AGBL4: variants seen among roughly 807,000 people sequenced by gnomAD.
AGBL4 encodes AGBL carboxypeptidase 4.
A neutral mutation model predicts 66.4 loss-of-function variants in AGBL4; 58 were observed. That is an observed-to-expected ratio of 0.87 (90% CI 0.71 to 1.09). AGBL4 has a LOEUF of 1.09. Among genes scored for constraint, AGBL4 ranks in the 50% least tolerant of loss-of-function variants. The probability of loss-of-function intolerance (pLI) is 0.00; values close to 1 mark genes in which losing one functional copy is unlikely to be tolerated. For synonymous variants in AGBL4, 234 were observed against 222.9 expected (o/e 1.05, Z -0.44); for missense variants, 579 against 631.0 (o/e 0.92, Z 0.88).
rs1417005644 is a variant in AGBL4, at chr1:49,045,436, A to G, written c.594+148T>C. 16 of 586,212 alleles carry G rather than the reference A, an allele frequency of 2.7e-5. No individual in the cohort carries two copies. In the Admixed American group the frequency reaches 5.2e-4, roughly 19 times the overall value. The allele number at this position is 586,212 out of a possible 1,614,324, so 36.3% of individuals were successfully genotyped here. On this transcript the variant is annotated intron_variant, in intron 5 of 13. Coordinates refer to ENST00000371839, the MANE Select transcript of AGBL4 (RefSeq NM_032785.4). Reference sequence around the variant, plus strand: ...GAATTGTTAAATTAATACTAATTATATAATTGTTTAATTGTAGTTAGTAAA... The same window carrying G: ...GAATTGTTAAATTAATACTAATTATGTAATTGTTTAATTGTAGTTAGTAAA...
chr1:49,842,125 A>G, intron 2 of AGBL4: 1 of 355,158 alleles, frequency 2.8e-6, no homozygotes, highest in Non-Finnish European at 5.4e-6. Context: ...CCCCAACCAC[A>G]GCCTCTGCCT....
At chr1:48,545,720 A>T (rs747820401) in intron 11 of AGBL4, among the ~76,000 whole-genome samples, 6 of 152,242 alleles carry the variant, frequency 3.9e-5, no homozygotes, top group Non-Finnish European at 7.3e-5. Context: ...CAAGACACTC[A>T]AAGCAATAAA....
chr1:48,617,678 G>A (rs538411781), intron 9 of AGBL4, among the ~76,000 whole-genome samples: 13 of 152,184 alleles, frequency 8.5e-5, no homozygotes, highest in South Asian at 6.2e-4. Flanking sequence ...CGGGCTGGCC[G>A]TTGTTTCTCA....
At chr1:48,784,889 T>TA (rs1645375142) in intron 6 of AGBL4, among the ~76,000 whole-genome samples, 1 of 152,196 alleles carries the variant, frequency 6.6e-6, no homozygotes, top group Admixed American at 6.5e-5. Context: ...TTTATTAATG[T>TA]AAAAAATTGT....
chr1:49,124,791 T>C (rs1287343880), intron 4 of AGBL4, among the ~76,000 whole-genome samples: 1 of 152,230 alleles, frequency 6.6e-6, no homozygotes, highest in Non-Finnish European at 1.5e-5. Context: ...ATTTAATTTC[T>C]GTGAAATGAG....
rs559474329 is a variant in AGBL4 at position 49,436,731 on chromosome 1, G to A, written c.283-190867C>T. Reference sequence around the variant, plus strand: ...TCACAGAAATTCTTAGGAAAGGAAGGGGGTGTAGTTCCGACGACAGCTTAT... The same window carrying A: ...TCACAGAAATTCTTAGGAAAGGAAGAGGGTGTAGTTCCGACGACAGCTTAT... On this transcript the variant is annotated intron_variant, in intron 3 of 13. Transcript: ENST00000371839. Among the ~76,000 whole-genome samples the A allele has an allele frequency of 2.2e-3, 329 of 152,224 alleles. 2 individuals carry two copies. The highest frequency in any genetic ancestry group is 7.3e-3 in the African/African-American group (304 of 41,540).
chr1:49,099,088 A>T (rs1017376763), intron 4 of AGBL4, among the ~76,000 whole-genome samples: 1 of 152,180 alleles, frequency 6.6e-6, no homozygotes, highest in Non-Finnish European at 1.5e-5. Flanking sequence ...CAAAGGACAC[A>T]ATGGTTCTTT....
At chr1:49,207,581 T>TCTTTCTTTCTTTCTTC in intron 4 of AGBL4, among the ~76,000 whole-genome samples, 2 of 146,844 alleles carry the variant, frequency 1.4e-5, no homozygotes, top group East Asian at 4.0e-4. Flanking sequence ...TTTCTTTCTT[T>TCTTTCTTTCTTTCTTC]CTTTCTTTCT....
At chr1:48,708,943 A>G (rs1309604307) in intron 6 of AGBL4, among the ~76,000 whole-genome samples, 1 of 152,172 alleles carries the variant, frequency 6.6e-6, no homozygotes, top group African/African-American at 2.4e-5. Flanking sequence ...AGAAAGTTGG[A>G]AGGGAAGAGG....
intron 6 of AGBL4, among the ~76,000 whole-genome samples, chr1:48,809,101 A>G (rs1344833744): frequency 6.6e-6 from 1 of 152,182 alleles, no homozygotes; most frequent in African/African-American, 2.4e-5. Flanking sequence ...TTAGCACAGC[A>G]GGGAAGTGCA....
rs1290291206 is a variant in AGBL4 at position 49,617,849 on chromosome 1, G to A, written c.282+79464C>T. 2.0e-5 allele frequency among the ~76,000 whole-genome samples: 3 copies of A among 152,184 alleles called. No homozygotes were observed. The East Asian group carries it at 5.8e-4, about 29-fold the overall frequency. On this transcript the variant is annotated intron_variant, in intron 3 of 13. Coordinates refer to ENST00000371839, the MANE Select transcript of AGBL4 (RefSeq NM_032785.4). The stretch of plus-strand genomic sequence containing the variant: ...CAGACCAAGGTTTCGGTTTTGTTTT[G>A]TTTTGTTTTGTTTTTCATATTACAC...
chr1:49,595,652 G>A (rs535358034), intron 3 of AGBL4, among the ~76,000 whole-genome samples: 1 of 151,742 alleles, frequency 6.6e-6, no homozygotes, highest in African/African-American at 2.4e-5. Flanking sequence ...TGTGATTGAT[G>A]ACATTTTTAA....
intron 6 of AGBL4, among the ~76,000 whole-genome samples, chr1:48,715,779 C>T (rs1370336340): frequency 4.6e-5 from 7 of 152,174 alleles, no homozygotes; most frequent in Non-Finnish European, 7.4e-5. Context: ...GGCCACATGA[C>T]GAAATAAATA....
intron 2 of AGBL4, among the ~76,000 whole-genome samples, chr1:49,702,470 A>G (rs1647116604): frequency 6.6e-6 from 1 of 152,108 alleles, no homozygotes; most frequent in Admixed American, 6.6e-5. Context: ...CAGCCTAGTG[A>G]TAGAGCGAGG....
intron 3 of AGBL4, among the ~76,000 whole-genome samples, chr1:49,353,793 TA>T (rs1469342481): frequency 1.3e-5 from 2 of 152,032 alleles, no homozygotes; most frequent in Non-Finnish European, 2.9e-5. Context: ...AAGGAGCATC[TA>T]AACATCAAGA....
At chr1:49,024,348 A>G (rs1663478278) in intron 5 of AGBL4, among the ~76,000 whole-genome samples, 1 of 152,104 alleles carries the variant, frequency 6.6e-6, no homozygotes, top group Admixed American at 6.6e-5. Flanking sequence ...CACATCTCCA[A>G]TATGCCATGC....
chr1:48,559,182 A>AAAAGG (rs1644361662), intron 11 of AGBL4, among the ~76,000 whole-genome samples: 1 of 152,200 alleles, frequency 6.6e-6, no homozygotes, highest in Non-Finnish European at 1.5e-5. Context: ...CCCCAAGCAG[A>AAAAGG]ACTGCTGATG....
At chr1:49,950,976 C>G (rs894946998) in intron 1 of AGBL4, among the ~76,000 whole-genome samples, 3 of 151,584 alleles carry the variant, frequency 2.0e-5, no homozygotes, top group African/African-American at 4.8e-5. Context: ...ATGGAATAAG[C>G]CAGACATAGA....
At chr1:49,993,296 A>C (rs933898282) in intron 1 of AGBL4, among the ~76,000 whole-genome samples, 1 of 152,234 alleles carries the variant, frequency 6.6e-6, no homozygotes, top group Non-Finnish European at 1.5e-5. Context: ...TCTACTGGAC[A>C]TTGTTGAGAT....
Sources: gnomAD v4.1 joint callset for allele counts (sites outside exome capture counted in the v4.1 genomes callset) on GRCh38, gnomAD v4.1.1 for gene constraint, MANE v1.5 for transcripts, NCBI Gene and HGNC (gene_info 2026-07-23, HGNC 2026-07-21) for gene names.